Variants in DNAH6 observed in about 807,000 individuals in gnomAD.
The protein encoded by DNAH6 is dynein axonemal heavy chain 6.
Under a neutral mutation model 491.4 loss-of-function variants are expected in DNAH6, and 340 were observed. The observed-to-expected ratio is 0.69, with a 90% CI of 0.63 to 0.76. DNAH6 has a LOEUF of 0.76. Ranked by LOEUF, DNAH6 falls within the 30% of genes least tolerant of loss-of-function variation. The pLI is 0.00. For synonymous variants in DNAH6, 1,603 were observed against 1,686.1 expected, an observed-to-expected ratio of 0.95 and a Z score of 1.21; for missense variants, 4,443 against 4,972.2, an observed-to-expected ratio of 0.89 and a Z score of 3.20.
rs202230135 is a variant in DNAH6, at chr2:84,583,985, A to G, written c.2230-14A>G. 2.5e-6 allele frequency: 4 copies of G among 1,611,476 alleles called. No individual in the cohort carries two copies. Among genetic ancestry groups the G allele is most frequent in the Admixed American group, 3.3e-5 (2 of 59,798 alleles). On this transcript the variant is annotated splice_polypyrimidine_tract_variant and intron_variant, in intron 14 of 76. Coordinates refer to ENST00000389394, the MANE Select transcript of DNAH6 (RefSeq NM_001370.2). ...TTCTGCTACATTTAATGAGCAAACTATGTTTCCATTTAGATTGAAAGCCTT... is the reference window on the plus strand; with the variant it reads ...TTCTGCTACATTTAATGAGCAAACTGTGTTTCCATTTAGATTGAAAGCCTT...
At chr2:84,779,936 T>C (rs577333293) in intron 64 of DNAH6, among the ~76,000 whole-genome samples, 13 of 152,354 alleles carry the variant, frequency 8.5e-5, no homozygotes, top group African/African-American at 2.6e-4. Context: ...GGAATTTCTT[T>C]TCTTTAAGAA....
At chr2:84,691,295 T>G (rs1395019427) in intron 45 of DNAH6, among the ~76,000 whole-genome samples, 1 of 151,934 alleles carries the variant, frequency 6.6e-6, no homozygotes, top group African/African-American at 2.4e-5. Flanking sequence ...AAGGAAAGAG[T>G]GACATATAAA....
At chr2:84,670,842 T>C (rs951823196) in intron 39 of DNAH6, among the ~76,000 whole-genome samples, 1 of 152,224 alleles carries the variant, frequency 6.6e-6, no homozygotes. Flanking sequence ...TGAGACTGTT[T>C]TGGTTTTTTC....
intron 14 of DNAH6, among the ~76,000 whole-genome samples, chr2:84,582,353 A>G (rs1273803000): frequency 6.6e-6 from 1 of 152,176 alleles, no homozygotes; most frequent in Non-Finnish European, 1.5e-5. Flanking sequence ...TTAAAAATGT[A>G]TATTCTTCGG....
At chr2:84,765,654 G>C (rs1675007541) in intron 64 of DNAH6, among the ~76,000 whole-genome samples, 1 of 151,974 alleles carries the variant, frequency 6.6e-6, no homozygotes, top group African/African-American at 2.4e-5. Context: ...TCCAAAAGCA[G>C]ATAGGAATAA....
chr2:84,728,821 C>A (rs142319707), intron 61 of DNAH6, among the ~76,000 whole-genome samples: 391 of 152,098 alleles, frequency 2.6e-3, no homozygotes, highest in African/African-American at 8.9e-3. Flanking sequence ...CACACACATA[C>A]CACAAAGCTA....
intron 45 of DNAH6, among the ~76,000 whole-genome samples, chr2:84,692,889 T>C (rs1268266512): frequency 6.6e-6 from 1 of 152,244 alleles, no homozygotes; most frequent in Non-Finnish European, 1.5e-5. Context: ...AGCCTAAAAT[T>C]ATTTTTTCCT....
intron 3 of DNAH6, among the ~76,000 whole-genome samples, chr2:84,528,215 G>T (rs1200280680): frequency 6.6e-6 from 1 of 152,074 alleles, no homozygotes; most frequent in Non-Finnish European, 1.5e-5. Context: ...TGGTCAGCAG[G>T]ATCCAAACCC....
At position 84,564,534 on chromosome 2, in the gene DNAH6, A is replaced by G. The variant is rs538610994; in HGVS notation, c.1803+6599A>G. Among the ~76,000 whole-genome samples, 12 of 152,270 alleles carry G rather than the reference A, an allele frequency of 7.9e-5. No homozygotes were observed. In the East Asian group the frequency reaches 2.3e-3, roughly 29 times the overall value. On this transcript the variant is annotated intron_variant, in intron 11 of 76. Coordinates refer to ENST00000389394, the MANE Select transcript of DNAH6 (RefSeq NM_001370.2). The stretch of plus-strand genomic sequence containing the variant: ...AAATGCTACTGATTTTTGTACATTT[A>G]TTTTGTATTCCAAAACTTTACTCAA...
intron 11 of DNAH6, among the ~76,000 whole-genome samples, chr2:84,567,228 A>G (rs1348145308): frequency 6.6e-6 from 1 of 152,100 alleles, no homozygotes; most frequent in Non-Finnish European, 1.5e-5. Flanking sequence ...TATTTCCAAT[A>G]CTAGAGAGAG....
At chr2:84,608,260 G>C (rs1013904384) in intron 21 of DNAH6, among the ~76,000 whole-genome samples, 7 of 6,186 alleles carry the variant, frequency 1.1e-3, no homozygotes, top group Non-Finnish European at 5.3e-3. Context: ...ATAAGGGTTG[G>C]AGTCAACTTC....
chr2:84,660,104 A>G (rs764050167), intron 37 of DNAH6, among the ~76,000 whole-genome samples: 1 of 152,224 alleles, frequency 6.6e-6, no homozygotes, highest in African/African-American at 2.4e-5. Flanking sequence ...CATATCTAGT[A>G]TACTTATTTT....
intron 64 of DNAH6, among the ~76,000 whole-genome samples, chr2:84,768,951 A>G (rs2105165306): frequency 6.6e-6 from 1 of 152,362 alleles, no homozygotes; most frequent in South Asian, 2.1e-4. Context: ...TCTATGTGCT[A>G]TGGTGAGTTG....
At chr2:84,700,167 A>G (rs1028484634) in intron 48 of DNAH6, among the ~76,000 whole-genome samples, 1 of 152,206 alleles carries the variant, frequency 6.6e-6, no homozygotes, top group African/African-American at 2.4e-5. Flanking sequence ...GCTGATGTAA[A>G]TGATCCAGAA....
chr2:84,598,177 T>TTCTC (rs1553438123), intron 18 of DNAH6, among the ~76,000 whole-genome samples: 6 of 75,552 alleles, frequency 7.9e-5, no homozygotes, highest in South Asian at 1.2e-3. Flanking sequence ...CTTTCTTTCT[T>TTCTC]TCTCTCTTTC....
At chr2:84,663,720 A>G (rs950557409) in intron 37 of DNAH6, among the ~76,000 whole-genome samples, 1 of 152,210 alleles carries the variant, frequency 6.6e-6, no homozygotes, top group Non-Finnish European at 1.5e-5. Context: ...AGACAGGCCA[A>G]CATTCAGATT....
At chr2:84,505,545 T>G in the DNAH6 span, among the ~76,000 whole-genome samples, 6 of 152,194 alleles carry the variant, frequency 3.9e-5, no homozygotes, top group Admixed American at 3.3e-4. Context: ...GTTTAATGTT[T>G]TTATTTTTTT....
the DNAH6 span, among the ~76,000 whole-genome samples, chr2:84,483,008 G>A: frequency 1.3e-5 from 2 of 151,216 alleles, no homozygotes; most frequent in East Asian, 1.9e-4. Context: ...TCACTGAGGC[G>A]GGAAAGCAGT....
intron 64 of DNAH6, among the ~76,000 whole-genome samples, chr2:84,776,492 CA>C (rs1468681315): frequency 6.6e-6 from 1 of 152,186 alleles, no homozygotes. Context: ...AAAAGGACAA[CA>C]TGCACAACCT....
Sources: allele counts gnomAD v4.1 joint callset (sites outside exome capture counted in the v4.1 genomes callset), GRCh38; gene constraint gnomAD v4.1.1; transcripts MANE v1.5; gene names NCBI Gene and HGNC (gene_info 2026-07-23, HGNC 2026-07-21).